The following SMIM27 variants were observed in gnomAD, a reference collection of about 807,000 sequenced individuals.
The protein encoded by SMIM27 is transition zone microprotein 1.
A neutral mutation model predicts 1.8 loss-of-function variants in SMIM27; 3 were observed. That is an observed-to-expected ratio of 1.65 (90% CI 0.75 to 4.28). The LOEUF (loss-of-function observed/expected upper bound fraction) is 4.28. SMIM27 is among the 30% of genes most tolerant of loss of function. SMIM27 has a pLI of 0.02. For missense variants in SMIM27, 63 were observed against 37.0 expected (o/e 1.70, Z -1.83); for synonymous variants, 19 against 13.9 (o/e 1.37, Z -0.82).
At chr9:32,553,619 G>T, downstream of SMIM27, 1 of 416,808 alleles carries the variant, frequency 2.4e-6, no homozygotes, top group Non-Finnish European at 4.3e-6. Flanking sequence ...AAACAAACAT[G>T]TAACTAAATA....
chr9:32,554,128 G>A (rs1246463905), downstream of SMIM27, among the ~76,000 whole-genome samples: 1 of 152,054 alleles, frequency 6.6e-6, no homozygotes, highest in Non-Finnish European at 1.5e-5. Flanking sequence ...AAAATTTTAA[G>A]GTATAGTGAA....
At chr9:32,562,710 GATCAGGAAATTAACACTC>G (rs1821659738) in intron 1 of SMIM27, among the ~76,000 whole-genome samples, 3 of 152,084 alleles carry the variant, frequency 2.0e-5, no homozygotes, top group African/African-American at 7.2e-5. Flanking sequence ...CAACTATCAA[GATCAGGAAATTAACACTC>G]ATACATTACT....
At chr9:32,553,320 C>T (rs1243321159), downstream of SMIM27, 4 of 173,792 alleles carry the variant, frequency 2.3e-5, no homozygotes, top group Non-Finnish European at 4.9e-5. Context: ...TCCGCAGTAG[C>T]TGGGACTACA....
chr9:32,562,821 A>G (rs577507091), intron 1 of SMIM27, among the ~76,000 whole-genome samples: 25 of 152,314 alleles, frequency 1.6e-4, no homozygotes, highest in African/African-American at 6.0e-4. Flanking sequence ...ATCCCCTTAC[A>G]TGACATGTTC....
At chr9:32,551,168 G>T, upstream of SMIM27, 1 of 659,116 alleles carries the variant, frequency 1.5e-6, no homozygotes, top group Non-Finnish European at 2.7e-6. Flanking sequence ...CCCCGGAGGA[G>T]GGCAGCGCGA....
intron 1 of SMIM27, chr9:32,566,071 A>C (rs1587647778): frequency 3.5e-5 from 1 of 28,426 alleles, no homozygotes; most frequent in Non-Finnish European, 9.2e-5. Context: ...TGGAGTGACC[A>C]AAAAAAAAAA....
At chr9:32,557,747 G>A (rs950386098), downstream of SMIM27, among the ~76,000 whole-genome samples, 1 of 151,830 alleles carries the variant, frequency 6.6e-6, no homozygotes, top group African/African-American at 2.4e-5. Context: ...AAAGTGCTGG[G>A]ATTACACGCG....
At chr9:32,563,448 C>G (rs926362354) in intron 1 of SMIM27, among the ~76,000 whole-genome samples, 2 of 146,446 alleles carry the variant, frequency 1.4e-5, no homozygotes, top group African/African-American at 5.1e-5. Flanking sequence ...TGGGCTCAAG[C>G]GATCCTCCTG....
At chr9:32,557,138 GTT>G (rs1821482527), downstream of SMIM27, among the ~76,000 whole-genome samples, 1 of 145,366 alleles carries the variant, frequency 6.9e-6, no homozygotes, top group Non-Finnish European at 1.5e-5. Flanking sequence ...CATTACAGGT[GTT>G]AGCCACCGCG....
chr9:32,552,950 TAC>T lies in SMIM27; in HGVS notation c.*29_*30del, dbSNP rs1587631356. The T allele has an allele frequency of 1.3e-5, 9 of 694,728 alleles. No homozygotes were observed. In the East Asian group the frequency reaches 2.4e-4, roughly 19 times the overall value. The allele number at this position is 694,728 out of a possible 1,614,324, so 43.0% of individuals were successfully genotyped here. A position where few individuals can be genotyped will look rare whatever the true frequency, so the allele number is the denominator to read the frequency against. Reference sequence around the variant, plus strand: ...TCTTCTGGATTTAATTATCTGAAAATACAGTTCTTTCCCTCATGCTTATGTAG... The same window carrying T: ...TCTTCTGGATTTAATTATCTGAAAATAGTTCTTTCCCTCATGCTTATGTAG... On this transcript the variant is annotated 3_prime_UTR_variant, in exon 2 of 2. Coordinates refer to ENST00000692500, the MANE Select transcript of SMIM27 (RefSeq NM_001387564.1).
At position 32,552,346 on chromosome 9, in the gene SMIM27, C is replaced by CT; in HGVS notation, c.-88dup. The CT allele has an allele frequency of 6.4e-7, 1 of 1,553,398 alleles. No individual in the cohort carries two copies. The highest frequency in any genetic ancestry group is 8.7e-7 in the Non-Finnish European group (1 of 1,143,914). On this transcript the variant is annotated 5_prime_UTR_variant, in exon 1 of 2. It removes the in-frame stop codon of an upstream open reading frame in the 5' UTR. Transcript: ENST00000692500. ...GCGCTCGTGCCCGGCTAAAAGATGG[C>CT]TGCTGGCGCCTGGCAGCCACCGCCT... is the stretch of plus-strand genomic sequence containing the variant.
exon 2 of SMIM27, chr9:32,566,640 C>A (rs1364744483): frequency 7.6e-6 from 6 of 794,686 alleles, no homozygotes; most frequent in Admixed American, 1.7e-5. Flanking sequence ...CATGGAGGAG[C>A]AGGAGCTCAC....
At chr9:32,563,487 TGGGC>T (rs1329175370) in intron 1 of SMIM27, among the ~76,000 whole-genome samples, 2 of 140,472 alleles carry the variant, frequency 1.4e-5, no homozygotes, top group African/African-American at 5.5e-5. Flanking sequence ...GTGGGACTAT[TGGGC>T]TTTTTTTTTT....
chr9:32,560,133 A>C (rs1821585675), intron 1 of SMIM27, among the ~76,000 whole-genome samples: 1 of 152,250 alleles, frequency 6.6e-6, no homozygotes, highest in African/African-American at 2.4e-5. Flanking sequence ...TTAGGCAGCA[A>C]AGGAGTGAGC....
At position 32,558,757 on chromosome 9, in the gene SMIM27, T is replaced by A. The variant is rs113239703; in HGVS notation, c.45+6278T>A. 6.6e-5 allele frequency among the ~76,000 whole-genome samples: 10 copies of A among 152,066 alleles called. 1 individual carries two copies. Among genetic ancestry groups the A allele is most frequent in the African/African-American group, 2.4e-4 (10 of 41,360 alleles). On this transcript the variant is annotated intron_variant, in intron 1 of 1. Coordinates refer to the SMIM27 transcript ENST00000451672. ...CGGTATTTCTTCCTGTTTTTTTTTG[T>A]TTTGTTTTGTTTTTTACAAGAATAC...
At chr9:32,566,580 C>A in exon 2 of SMIM27, 2 of 783,154 alleles carry the variant, frequency 2.6e-6, no homozygotes, top group Non-Finnish European at 4.7e-6. Context: ...GAGCTTCTGG[C>A]ACATGGAGCG....
intron 1 of SMIM27, chr9:32,558,975 G>C (rs991433013): frequency 1.3e-6 from 2 of 1,542,334 alleles, no homozygotes; most frequent in African/African-American, 1.4e-5. Context: ...AGTTAACTCT[G>C]TGTTAATTAT....
chr9:32,557,162 C>CTT (rs34291462), downstream of SMIM27, among the ~76,000 whole-genome samples: 21 of 129,220 alleles, frequency 1.6e-4, no homozygotes, highest in Admixed American at 2.4e-4. Context: ...CTGGCCCCCA[C>CTT]TTTTTTTTTT....
At chr9:32,564,393 T>C (rs921848825) in intron 1 of SMIM27, among the ~76,000 whole-genome samples, 3 of 152,202 alleles carry the variant, frequency 2.0e-5, no homozygotes, top group South Asian at 2.1e-4. Context: ...TTCTTATAAA[T>C]AGAAGGTTTT....
Sources: allele counts gnomAD v4.1 joint callset (sites outside exome capture counted in the v4.1 genomes callset), GRCh38; gene constraint gnomAD v4.1.1; transcripts MANE v1.5; gene names NCBI Gene and HGNC (gene_info 2026-07-23, HGNC 2026-07-21).